Variants in DDX6 observed in about 807,000 individuals in gnomAD.
The protein encoded by DDX6 is probable ATP-dependent RNA helicase DDX6.
DDX6 carries 7 observed loss-of-function variants against 60.6 expected under a neutral mutation model. The ratio of observed to expected loss-of-function variants is 0.12; its 90% CI spans 0.07 to 0.22. The LOEUF is 0.22. Ranked by LOEUF, DDX6 falls within the 10% of genes least tolerant of loss-of-function variation. The probability of loss-of-function intolerance (pLI) is 1.00; values close to 1 mark genes in which losing one functional copy is unlikely to be tolerated. For missense variants in DDX6, 270 were observed against 589.9 expected (o/e 0.46, Z 5.62); for synonymous variants, 207 against 201.0 (o/e 1.03, Z -0.25).
At chr11:118,777,875 C>T (rs1466205468) in intron 4 of DDX6, among the ~76,000 whole-genome samples, 3 of 118,978 alleles carry the variant, frequency 2.5e-5, no homozygotes, top group African/African-American at 3.1e-5. Context: ...TCTGACAGAG[C>T]TAGACTCCAT....
Position 118,748,774 on chromosome 11 carries a change from C to A in DDX6, c.*3331G>T, listed in dbSNP as rs1555156459. On this transcript the variant is annotated 3_prime_UTR_variant, in exon 14 of 14. Coordinates refer to ENST00000534980, the MANE Select transcript of DDX6 (RefSeq NM_004397.6). ...AAAAAAAAATTAAAAAATTAAACCA[C>A]GTCATCAGAATGAGATGTTTTGATT... 1 of 144,530 alleles carries A rather than the reference C, an allele frequency of 6.9e-6. No individual in the cohort carries two copies. The highest frequency in any genetic ancestry group is 2.6e-5 in the African/African-American group (1 of 38,772). The allele number at this position is 144,530 out of a possible 1,614,324, so 9.0% of individuals were successfully genotyped here.
At chr11:118,784,412 T>A (rs968105435) in intron 2 of DDX6, among the ~76,000 whole-genome samples, 2 of 151,884 alleles carry the variant, frequency 1.3e-5, no homozygotes, top group South Asian at 4.1e-4. Context: ...AGTAACCCAG[T>A]GTCAACATCT....
chr11:118,774,783 T>C (rs1360960343), intron 4 of DDX6, among the ~76,000 whole-genome samples: 1 of 151,904 alleles, frequency 6.6e-6, no homozygotes, highest in Non-Finnish European at 1.5e-5. Flanking sequence ...AATATTCAAA[T>C]GCAGAAGACT....
At chr11:118,753,444 A>C (rs1256833861) in intron 13 of DDX6, among the ~76,000 whole-genome samples, 1 of 144,038 alleles carries the variant, frequency 6.9e-6, no homozygotes, top group Non-Finnish European at 1.5e-5. Context: ...GGTTCAAGTG[A>C]TTCGCCTGCC....
chr11:118,748,058 CA>C lies in DDX6; in HGVS notation c.*4046del, dbSNP rs1462543845. ...GGAATTCTCTACCATTTTTACTGAA[CA>C]AAAAATAATTTTTTTTCCTGTTTCA... On this transcript the variant is annotated 3_prime_UTR_variant, in exon 14 of 14. Transcript: ENST00000534980. The C allele has an allele frequency of 1.3e-5, 2 of 152,022 alleles. No individual in the cohort carries two copies. The highest frequency in any genetic ancestry group is 4.8e-5 in the African/African-American group (2 of 41,380). 9.4% of individuals were successfully genotyped at this position (152,022 alleles called of 1,614,324 possible). A position where few individuals can be genotyped will look rare whatever the true frequency, so the allele number is the denominator to read the frequency against.
At chr11:118,773,873 A>C (rs2510897) in intron 4 of DDX6, among the ~76,000 whole-genome samples, 59,912 of 151,656 alleles carry the variant, frequency 0.4, 12,260 homozygotes, top group Admixed American at 0.52. Flanking sequence ...CAAAAAAAAA[A>C]ACAAAACAAA....
At chr11:118,755,620 C>T (rs2137415810) in intron 11 of DDX6, 117 bp from the exon 12 acceptor site, 1 of 620,836 alleles carries the variant, frequency 1.6e-6, no homozygotes, top group Middle Eastern at 2.6e-4. Flanking sequence ...TATTCAAATG[C>T]ATTTGCACAT....
At chr11:118,781,426 G>A (rs1861896284) in intron 2 of DDX6, among the ~76,000 whole-genome samples, 1 of 152,284 alleles carries the variant, frequency 6.6e-6, no homozygotes, top group South Asian at 2.1e-4. Context: ...ATTGTATACA[G>A]TGTAACTGTT....
At chr11:118,759,859 C>T in intron 8 of DDX6, 63 bp downstream of exon 8, 3 of 1,527,392 alleles carry the variant, frequency 2.0e-6, no homozygotes, top group Non-Finnish European at 1.8e-6. Context: ...GATGTAATTA[C>T]AAATAAAAGC....
intron 3 of DDX6, among the ~76,000 whole-genome samples, chr11:118,780,840 G>A (rs1268442845): frequency 6.6e-6 from 1 of 152,210 alleles, no homozygotes; most frequent in East Asian, 1.9e-4. Context: ...CCCCCCTATT[G>A]ATGATAAGCA....
intron 4 of DDX6, among the ~76,000 whole-genome samples, chr11:118,773,995 A>G (rs1370070631): frequency 6.6e-6 from 1 of 152,220 alleles, no homozygotes; most frequent in Non-Finnish European, 1.5e-5. Flanking sequence ...ATAATTCCTA[A>G]CTATAAATAG....
At chr11:118,783,864 C>G (rs1861985390) in intron 2 of DDX6, among the ~76,000 whole-genome samples, 1 of 147,630 alleles carries the variant, frequency 6.8e-6, no homozygotes, top group East Asian at 2.0e-4. Flanking sequence ...ATGTGTAATC[C>G]CAGCACTGTG....
chr11:118,759,007 T>G lies in DDX6; in HGVS notation c.865-105A>C, dbSNP rs189094339. On this transcript the variant is annotated intron_variant, in intron 8 of 13. Coordinates refer to ENST00000534980, the MANE Select transcript of DDX6 (RefSeq NM_004397.6). ...ACGTTTCTGTCCGATAAACTCTTGC[T>G]GTAAGGGACGCAACTCTCTTCAAAA... 7.2e-5 allele frequency: 103 copies of G among 1,440,132 alleles called. 1 individual carries two copies. In the African/African-American group the frequency reaches 1.2e-3, roughly 16 times the overall value. 89.2% of individuals were successfully genotyped at this position (1,440,132 alleles called of 1,614,324 possible).
intron 1 of DDX6, chr11:118,789,174 C>T (rs1257491254): frequency 6.8e-6 from 1 of 148,122 alleles, no homozygotes; most frequent in Non-Finnish European, 1.5e-5. Flanking sequence ...CTCCTGGGTT[C>T]AAGCGATTCC....
intron 12 of DDX6, among the ~76,000 whole-genome samples, chr11:118,755,142 AAAC>A (rs1244273671): frequency 2.6e-5 from 4 of 152,240 alleles, no homozygotes; most frequent in East Asian, 3.8e-4. Flanking sequence ...AATACACATT[AAAC>A]AACAGTCACA....
chr11:118,779,749 A>G lies in DDX6; in HGVS notation c.265-13T>C. 6.4e-7 allele frequency: 1 copy of G among 1,557,716 alleles called. No homozygotes were observed. The highest frequency in any genetic ancestry group is 8.8e-7 in the Non-Finnish European group (1 of 1,139,558). ...TGGAGGTCACATCCTAGTCAAACAAAAAGGAACAATAAAAGAATAAATAAC... is the reference window on the plus strand; with the variant it reads ...TGGAGGTCACATCCTAGTCAAACAAGAAGGAACAATAAAAGAATAAATAAC... On this transcript the variant is annotated splice_polypyrimidine_tract_variant and intron_variant, in intron 3 of 13. Transcript: ENST00000534980.
At chr11:118,758,657 G>A (rs782548109) in intron 9 of DDX6, 117 bp downstream of exon 9, 8 of 1,290,934 alleles carry the variant, frequency 6.2e-6, no homozygotes, top group East Asian at 5.3e-5. Context: ...GAGCCACCGT[G>A]CCAAGCCAGA....
intron 7 of DDX6, among the ~76,000 whole-genome samples, 196 bp downstream of exon 7, chr11:118,763,016 T>C: frequency 6.6e-6 from 1 of 152,162 alleles, no homozygotes; most frequent in East Asian, 1.9e-4. Flanking sequence ...AAAGACAAAA[T>C]GCTGAATTCC....
chr11:118,781,996 T>C (rs972201045), intron 2 of DDX6, among the ~76,000 whole-genome samples: 13 of 151,910 alleles, frequency 8.6e-5, no homozygotes, highest in Admixed American at 3.9e-4. Flanking sequence ...GCGGATCACC[T>C]GAGGTCAGGA....
Sources: allele counts gnomAD v4.1 joint callset (sites outside exome capture counted in the v4.1 genomes callset), GRCh38; gene constraint gnomAD v4.1.1; transcripts MANE v1.5; gene names NCBI Gene and HGNC (gene_info 2026-07-23, HGNC 2026-07-21).